The following IQSEC2 variants were observed in gnomAD, a reference collection of about 807,000 sequenced individuals.
The protein encoded by IQSEC2 is IQ motif and SEC7 domain-containing protein 2.
Under a neutral mutation model 74.6 loss-of-function variants are expected in IQSEC2, and 6 were observed. The ratio of observed to expected loss-of-function variants is 0.08; its 90% CI spans 0.04 to 0.16. The LOEUF (loss-of-function observed/expected upper bound fraction) is 0.16. Among genes scored for constraint, IQSEC2 ranks in the 10% least tolerant of loss-of-function variants. IQSEC2 has a pLI of 1.00. For synonymous variants in IQSEC2, 494 were observed against 544.5 expected (o/e 0.91, Z 1.29); for missense variants, 734 against 1,306.2 (o/e 0.56, Z 6.75).
Position 53,250,576 on chromosome X carries a change from T to C in IQSEC2, c.2000A>G (p.Asn667Ser), listed in dbSNP as rs782321409. The part of the protein sequence containing the change: ...APPGPLPPAP[N>S]SGTGPSGVAG... ...CACACCACTGGGCCCAGTGCCACTG[T>C]TGGGGGCTGGTGGCAGGGGCCCTGG... The change falls in exon 5 of 15, where the codon AAC (asparagine) becomes AGC (serine). Residue 667 changes from asparagine to serine, a missense_variant. Physicochemically the swap from Asn to Ser is conservative, Grantham distance 46. Around this residue, in one of 12 missense-constraint regions of IQSEC2, gnomAD observed 204 missense variants for 305.4 expected, o/e 0.67. Coordinates refer to ENST00000642864, the MANE Select transcript of IQSEC2 (RefSeq NM_001111125.3). 6 of 1,208,704 alleles carry C rather than the reference T, an allele frequency of 5.0e-6. No individual in the cohort carries two copies. In the African/African-American group the frequency reaches 5.2e-5, roughly 11 times the overall value.
intron 4 of IQSEC2, among the ~76,000 whole-genome samples, chrX:53,252,079 T>C (rs2074398771): frequency 8.9e-6 from 1 of 111,944 alleles, no homozygotes; most frequent in African/African-American, 3.2e-5. Context: ...ATTTGTTTGT[T>C]TGAGACAGAG....
At chrX:53,226,801 G>A (rs1388478432), downstream of IQSEC2, 5 of 112,178 alleles carry the variant, frequency 4.5e-5, no homozygotes, top group African/African-American at 1.6e-4. Context: ...TTTCTAGTTT[G>A]TAACCTTGAA....
chrX:53,241,835 C>T lies in IQSEC2; in HGVS notation c.2964G>A (p.Gln988=). Residue 988 remains glutamine (Q), a synonymous_variant, in exon 10 of 15, where the codon CAG becomes CAA. Transcript: ENST00000642864. ...CCTCCCGCTGATGCAACCCTAGCCT[C>T]TGGGGGCGGTTTGGATCTGGCACCT... ...LYEVPDPNRP[Q]RLGLHQREVF... is the part of the protein sequence containing the mutation. The T allele has an allele frequency of 2.5e-6, 3 of 1,211,379 alleles. No individual in the cohort carries two copies. The highest frequency in any genetic ancestry group is 3.4e-6 in the Non-Finnish European group (3 of 895,292).
chrX:53,239,134 C>T (rs1200120514), intron 11 of IQSEC2, 61 bp downstream of exon 11: 3 of 877,565 alleles, frequency 3.4e-6, no homozygotes, highest in East Asian at 3.1e-5. Flanking sequence ...GTATAGATGA[C>T]GGGTGAGCAT....
chrX:53,255,248 G>A (rs1345385663), intron 3 of IQSEC2, among the ~76,000 whole-genome samples: 2 of 111,125 alleles, frequency 1.8e-5, no homozygotes, highest in African/African-American at 6.6e-5. Flanking sequence ...AAAGGAGGAA[G>A]AAAGAGAATG....
At chrX:53,310,981 G>A (rs1300559685) in intron 1 of IQSEC2, among the ~76,000 whole-genome samples, 1 of 106,051 alleles carries the variant, frequency 9.4e-6, no homozygotes, top group Non-Finnish European at 1.9e-5. Flanking sequence ...TTAGCTGGGT[G>A]TGGTGGTGCA....
rs1323489348 is a variant in IQSEC2 at position 53,291,887 on chromosome X, G to GT, written c.737+7dup. On this transcript the variant is annotated splice_region_variant and intron_variant, in intron 2 of 14. Transcript: ENST00000642864. ...TCCCAACTAGTACTAAAGAAAGGAG[G>GT]TACTGACCTGACTGTTCTGGAATTC... is the stretch of plus-strand genomic sequence containing the variant. 1 of 1,161,536 alleles carries GT rather than the reference G, an allele frequency of 8.6e-7. No individual in the cohort carries two copies. The highest frequency in any genetic ancestry group is 1.8e-5 in the African/African-American group (1 of 55,313).
intron 2 of IQSEC2, among the ~76,000 whole-genome samples, chrX:53,259,413 G>C (rs782108465): frequency 9.1e-6 from 1 of 109,497 alleles, no homozygotes; most frequent in Non-Finnish European, 1.9e-5. Context: ...GCTGAGGCAC[G>C]AGAATCGCTT....
intron 2 of IQSEC2, among the ~76,000 whole-genome samples, chrX:53,262,940 G>A (rs2074590604): frequency 8.9e-6 from 1 of 112,685 alleles, no homozygotes; most frequent in Admixed American, 9.3e-5. Flanking sequence ...TGAAACTGAG[G>A]TACAGAGAGA....
downstream of IQSEC2, chrX:53,226,995 A>T (rs1394675127): frequency 1.9e-5 from 2 of 106,716 alleles, no homozygotes; most frequent in Non-Finnish European, 3.9e-5. Context: ...GTGCTTTTGT[A>T]TTTTTTTTTT....
At chrX:53,278,010 T>TC (rs1178349471) in intron 2 of IQSEC2, among the ~76,000 whole-genome samples, 4 of 70,864 alleles carry the variant, frequency 5.6e-5, no homozygotes, top group African/African-American at 2.3e-4. Context: ...TTTCTTTTTT[T>TC]TTTTTTTTTT....
chrX:53,296,997 T>C (rs2075159853), intron 1 of IQSEC2, among the ~76,000 whole-genome samples: 1 of 110,044 alleles, frequency 9.1e-6, no homozygotes, highest in Non-Finnish European at 1.9e-5. Context: ...TCAACATTGG[T>C]GGTCTACATT....
At chrX:53,249,377 G>A (rs1326200822) in intron 5 of IQSEC2, among the ~76,000 whole-genome samples, 10 of 111,517 alleles carry the variant, frequency 9.0e-5, no homozygotes, top group Non-Finnish European at 1.1e-4. Context: ...AGGGAGCTGG[G>A]CCAAAATCTG....
At chrX:53,296,551 G>C (rs1556874336) in intron 1 of IQSEC2, among the ~76,000 whole-genome samples, 1 of 110,992 alleles carries the variant, frequency 9.0e-6, no homozygotes, top group African/African-American at 3.3e-5. Flanking sequence ...CACACTGTCT[G>C]CTAAAGGAAC....
intron 2 of IQSEC2, among the ~76,000 whole-genome samples, chrX:53,257,508 G>C (rs1400366227): frequency 9.0e-6 from 1 of 111,371 alleles, no homozygotes; most frequent in Non-Finnish European, 1.9e-5. Flanking sequence ...TTCAGCCCCA[G>C]CTCAGCCCAC....
chrX:53,257,443 T>C (rs2074492538), intron 2 of IQSEC2, among the ~76,000 whole-genome samples: 1 of 112,027 alleles, frequency 8.9e-6, no homozygotes, highest in African/African-American at 3.2e-5. Flanking sequence ...CCACCCCAAA[T>C]TCTCTCTCCT....
Position 53,248,105 on chromosome X carries a change from T to C in IQSEC2, c.2582+9A>G. ...GAGGGGCAGCTTCGCGAGTGGGAGG[T>C]AGGCACACCTGAAGGCTTCGATGAG... On this transcript the variant is annotated intron_variant, in intron 7 of 14. Coordinates refer to ENST00000642864, the MANE Select transcript of IQSEC2 (RefSeq NM_001111125.3). 1 of 1,210,426 alleles carries C rather than the reference T, an allele frequency of 8.3e-7. No homozygotes were observed.
At chrX:53,230,460 C>T (rs1192174360), downstream of IQSEC2, 1 of 112,988 alleles carries the variant, frequency 8.9e-6, no homozygotes, top group Admixed American at 9.3e-5. Context: ...TGCTCAGTAG[C>T]CACATGTGGC....
chrX:53,307,381 A>T (rs2075275899), intron 1 of IQSEC2, among the ~76,000 whole-genome samples: 1 of 89,507 alleles, frequency 1.1e-5, no homozygotes, highest in Admixed American at 1.5e-4. Flanking sequence ...GGCTCAAGCG[A>T]TCCTCCCGCC....
Sources: allele counts gnomAD v4.1 joint callset (sites outside exome capture counted in the v4.1 genomes callset), GRCh38; gene constraint gnomAD v4.1.1; regional missense constraint gnomAD v4.1.1; transcripts MANE v1.5; gene names NCBI Gene and HGNC (gene_info 2026-07-23, HGNC 2026-07-21).